MYZAP: variants seen among roughly 807,000 people sequenced by gnomAD.
MYZAP encodes GRINL1A complex locus upstream.
Under a neutral mutation model 69.4 loss-of-function variants are expected in MYZAP, and 66 were observed. The observed-to-expected ratio is 0.95, with a 90% confidence interval of 0.78 to 1.17. The LOEUF (loss-of-function observed/expected upper bound fraction) is 1.17. Among genes scored for constraint, MYZAP ranks in the 50% most tolerant of loss-of-function variants. The probability of loss-of-function intolerance (pLI) is 0.00; values close to 1 mark genes in which losing one functional copy is unlikely to be tolerated. For synonymous variants in MYZAP, 256 were observed against 205.9 expected (o/e 1.24, Z -2.09); for missense variants, 611 against 556.2 (o/e 1.10, Z -0.99).
intron 2 of MYZAP, among the ~76,000 whole-genome samples, chr15:57,616,897 G>C (rs2140377830): frequency 7.2e-6 from 1 of 138,660 alleles, no homozygotes; most frequent in South Asian, 2.3e-4. Context: ...AAAGTTAGCA[G>C]GACAGCAGAA....
intron 2 of MYZAP, among the ~76,000 whole-genome samples, chr15:57,608,233 C>T (rs73422836): frequency 0.016 from 2,433 of 152,238 alleles, 66 homozygotes; most frequent in African/African-American, 0.053. Flanking sequence ...TTTAATATTG[C>T]GGGGATGCCA....
At chr15:57,637,386 G>T (rs539138662) in intron 8 of MYZAP, among the ~76,000 whole-genome samples, 1 of 152,302 alleles carries the variant, frequency 6.6e-6, no homozygotes, top group East Asian at 1.9e-4. Flanking sequence ...CAAGCCACCA[G>T]TTTAAAGTAT....
chr15:57,627,581 C>A (rs945879319), intron 5 of MYZAP, among the ~76,000 whole-genome samples: 2 of 152,090 alleles, frequency 1.3e-5, no homozygotes, highest in African/African-American at 4.8e-5. Context: ...TTATGCAAGA[C>A]CCCAGCCTCT....
intron 4 of MYZAP, among the ~76,000 whole-genome samples, chr15:57,625,493 CAT>C (rs1393402797): frequency 6.6e-6 from 1 of 152,178 alleles, no homozygotes; most frequent in African/African-American, 2.4e-5. Context: ...GAGCAAATCA[CAT>C]AACTTCTCTG....
At chr15:57,675,899 G>A (rs964695189) in intron 12 of MYZAP, among the ~76,000 whole-genome samples, 2 of 152,164 alleles carry the variant, frequency 1.3e-5, no homozygotes, top group Admixed American at 1.3e-4. Context: ...GCCTGGTATC[G>A]TGTGTGCAGG....
chr15:57,632,580 G>A (rs780206406), intron 7 of MYZAP, 21 bp downstream of exon 7: 12 of 1,612,624 alleles, frequency 7.4e-6, no homozygotes, highest in East Asian at 2.2e-5. Flanking sequence ...TGTAGCTGCC[G>A]ATGTAAACTT....
At chr15:57,612,434 T>C (rs1270909089) in intron 2 of MYZAP, among the ~76,000 whole-genome samples, 3 of 152,240 alleles carry the variant, frequency 2.0e-5, no homozygotes, top group Non-Finnish European at 4.4e-5. Flanking sequence ...TTTCTTTTTT[T>C]GCACAGATTA....
At chr15:57,626,058 A>G (rs2036115644) in intron 5 of MYZAP, among the ~76,000 whole-genome samples, 166 bp downstream of exon 5, 1 of 152,234 alleles carries the variant, frequency 6.6e-6, no homozygotes, top group Non-Finnish European at 1.5e-5. Flanking sequence ...AGGAAACTGA[A>G]GGAAGCATTT....
chr15:57,683,082 G>C (rs1273852563), intron 12 of MYZAP, among the ~76,000 whole-genome samples: 1 of 152,168 alleles, frequency 6.6e-6, no homozygotes, highest in Non-Finnish European at 1.5e-5. Flanking sequence ...ACAGTGGCAG[G>C]CTGTGGAACT....
intron 10 of MYZAP, among the ~76,000 whole-genome samples, chr15:57,650,400 C>T (rs1446723397): frequency 6.6e-6 from 1 of 152,142 alleles, no homozygotes; most frequent in Admixed American, 6.6e-5. Flanking sequence ...AGTTCCTGCT[C>T]TCAGAGGACC....
intron 10 of MYZAP, among the ~76,000 whole-genome samples, chr15:57,659,885 A>G (rs1215790666): frequency 8.5e-5 from 13 of 152,066 alleles, no homozygotes. Context: ...TCCTTCACCT[A>G]AGTTCTTCCC....
rs754906541 is a variant in MYZAP, at chr15:57,618,123, A to G, written c.253A>G (p.Lys85Glu). The change falls in exon 3 of 13, where the codon AAA becomes GAA. Residue 85 changes from lysine to glutamate, a missense_variant. Coordinates refer to ENST00000267853, the MANE Select transcript of MYZAP (RefSeq NM_001018100.5). ...VVRRSDQNQQ[K>E]EMVVYGWSTS... ...GCGAAGATCAGATCAAAATCAGCAGAAAGAAATGGTGGTGTATGGGTGGTC... is the reference window on the plus strand; with the variant it reads ...GCGAAGATCAGATCAAAATCAGCAGGAAGAAATGGTGGTGTATGGGTGGTC... 8.7e-6 allele frequency: 14 copies of G among 1,614,244 alleles called. No individual in the cohort carries two copies. The Admixed American group carries it at 2.2e-4, about 25-fold the overall frequency.
chr15:57,673,463 CGTGTGT>C (rs3051249), intron 11 of MYZAP, among the ~76,000 whole-genome samples: 7,248 of 102,526 alleles, frequency 0.071, 181 homozygotes, highest in South Asian at 0.098. Flanking sequence ...TGCGTGCATG[CGTGTGT>C]GTGTGTGTGT....
chr15:57,646,313 G>C, intron 10 of MYZAP: 9 of 1,220,526 alleles, frequency 7.4e-6, no homozygotes, highest in Non-Finnish European at 8.4e-6. Context: ...GAACAAAACA[G>C]GAAGGACATA....
intron 1 of MYZAP, among the ~76,000 whole-genome samples, chr15:57,599,259 C>T (rs2034257771): frequency 6.6e-6 from 1 of 151,946 alleles, no homozygotes; most frequent in African/African-American, 2.4e-5. Flanking sequence ...ACAAAGCTAT[C>T]CTGTCTCTCT....
intron 11 of MYZAP, among the ~76,000 whole-genome samples, chr15:57,665,793 G>A (rs2038540853): frequency 1.3e-5 from 2 of 152,208 alleles, no homozygotes; most frequent in African/African-American, 4.8e-5. Flanking sequence ...ATTGACATAT[G>A]TCACAATCAG....
intron 10 of MYZAP, among the ~76,000 whole-genome samples, chr15:57,651,119 C>T (rs570731039): frequency 6.6e-6 from 1 of 152,264 alleles, no homozygotes; most frequent in South Asian, 2.1e-4. Context: ...AAGAAGGCTC[C>T]AAGGAGAGCC....
intron 1 of MYZAP, among the ~76,000 whole-genome samples, chr15:57,593,334 CT>C (rs1314539216): frequency 3.3e-5 from 5 of 152,078 alleles, no homozygotes; most frequent in African/African-American, 9.7e-5. Context: ...CAGTCCTGGC[CT>C]TACTCTAAGT....
chr15:57,668,578 G>A (rs1224274400), intron 11 of MYZAP, among the ~76,000 whole-genome samples: 1 of 152,280 alleles, frequency 6.6e-6, no homozygotes, highest in African/African-American at 2.4e-5. Context: ...GGGATATAGA[G>A]TGCTGTCTCA....
Sources: gnomAD v4.1 joint callset for allele counts (sites outside exome capture counted in the v4.1 genomes callset) on GRCh38, gnomAD v4.1.1 for gene constraint, MANE v1.5 for transcripts, NCBI Gene and HGNC (gene_info 2026-07-23, HGNC 2026-07-21) for gene names.